Variants in CYTH1 observed in about 807,000 individuals in gnomAD.
The protein encoded by CYTH1 is cytohesin-1.
In CYTH1, 18 loss-of-function variants were observed where a neutral mutation model predicts 61.8. The observed-to-expected ratio is 0.29, with a 90% CI of 0.20 to 0.43. CYTH1 has a LOEUF of 0.43. Among genes scored for constraint, CYTH1 ranks in the 20% least tolerant of loss-of-function variants. The pLI is 1.00. For missense variants in CYTH1, 336 were observed against 510.5 expected (o/e 0.66, Z 3.29); for synonymous variants, 174 against 184.3 (o/e 0.94, Z 0.45).
intron 1 of CYTH1, among the ~76,000 whole-genome samples, chr17:78,722,161 C>A (rs896649573): frequency 1.3e-5 from 2 of 152,176 alleles, no homozygotes; most frequent in Non-Finnish European, 2.9e-5. Context: ...TTTTATCCTG[C>A]GAATTTGGTT....
Position 78,700,422 on chromosome 17 carries a change from C to T in CYTH1, c.459G>A (p.Arg153=). The change falls in exon 7 of 14, where the codon CGG becomes CGA. Residue 153 remains arginine (R), a synonymous_variant. Transcript: ENST00000446868. This position sits in a 1 kb window ranked among gnomAD's most constrained non-coding sequence, Gnocchi z 5.1. ...QALRQFLWSF[R]LPGEAQKIDR... Reference sequence around the variant, plus strand: ...CGATCTTCTGGGCCTCTCCGGGTAGCCGGAAGCTCCACAGGAACTGCCTGA... The same window carrying T: ...CGATCTTCTGGGCCTCTCCGGGTAGTCGGAAGCTCCACAGGAACTGCCTGA... 6.2e-7 allele frequency: 1 copy of T among 1,613,036 alleles called. No homozygotes were observed. The highest frequency in any genetic ancestry group is 1.1e-5 in the South Asian group (1 of 90,790).
chr17:78,754,438 G>A (rs1023458790), intron 1 of CYTH1, among the ~76,000 whole-genome samples: 1 of 151,798 alleles, frequency 6.6e-6, no homozygotes, highest in Non-Finnish European at 1.5e-5. Context: ...CAACCTCCCT[G>A]GTTTAAGCAA....
At position 78,717,523 on chromosome 17, in the gene CYTH1, C is replaced by G. The variant is rs981802414; in HGVS notation, c.23-7791G>C. On this transcript the variant is annotated intron_variant, in intron 1 of 13. Transcript: ENST00000446868. The surrounding 1 kb of genome is among the most constrained non-coding windows in gnomAD (Gnocchi z 4.4). ...TTAAATGTTGCTTTGCAGATTTTAA[C>G]AGTCGGCAGAAACCCAGAGCTGAAA... is the stretch of plus-strand genomic sequence containing the variant. Among the ~76,000 whole-genome samples the G allele has an allele frequency of 6.6e-6, 1 of 152,166 alleles. No individual in the cohort carries two copies. Among genetic ancestry groups the G allele is most frequent in the African/African-American group, 2.4e-5 (1 of 41,430 alleles).
chr17:78,772,537 CGTTTTT>C (rs1218223100), intron 1 of CYTH1, among the ~76,000 whole-genome samples: 1 of 151,954 alleles, frequency 6.6e-6, no homozygotes. Context: ...TGTTTTGTTT[CGTTTTT>C]GTTTTTGTTT....
rs900423792 is a variant in CYTH1 at position 78,698,902 on chromosome 17, T to C, written c.617A>G (p.Lys206Arg). 1 of 1,612,236 alleles carries C rather than the reference T, an allele frequency of 6.2e-7. No individual in the cohort carries two copies. Among genetic ancestry groups the C allele is most frequent in the Non-Finnish European group, 8.5e-7 (1 of 1,179,448 alleles). Residue 206 changes from lysine to arginine, a missense_variant, in exon 8 of 14, where the codon AAA (lysine) becomes AGA (arginine). Lys to Arg is a conservative substitution (Grantham distance 26). Coordinates refer to ENST00000446868, the MANE Select transcript of CYTH1 (RefSeq NM_004762.6). ...GAACCTCTCCACAGTGGGCTTATCT[T>C]TGACATTGGGGTTGTGCAGACTGGT... The part of the protein sequence containing the change: ...LNTSLHNPNV[K>R]DKPTVERFIA...
intron 11 of CYTH1, among the ~76,000 whole-genome samples, chr17:78,689,241 C>T (rs1404780962): frequency 6.6e-6 from 1 of 152,140 alleles, no homozygotes; most frequent in African/African-American, 2.4e-5. Context: ...TTGTCACTTG[C>T]CACTCACTGA....
chr17:78,759,719 A>C (rs1325006146), intron 1 of CYTH1, among the ~76,000 whole-genome samples: 1 of 152,238 alleles, frequency 6.6e-6, no homozygotes, highest in Non-Finnish European at 1.5e-5. Flanking sequence ...ACAGCTGAGG[A>C]AATGCATTCA....
intron 1 of CYTH1, among the ~76,000 whole-genome samples, 167 bp from the exon 2 acceptor site, chr17:78,709,899 T>C (rs2093110439): frequency 6.6e-6 from 1 of 152,210 alleles, no homozygotes; most frequent in Non-Finnish European, 1.5e-5. Flanking sequence ...ATCAGATTTC[T>C]AAGAAAGGAA....
In CYTH1 at chr17:78,675,226, C is replaced by T. The variant is rs2092685253; in HGVS notation, c.*865G>A. 6.6e-6 allele frequency: 1 copy of T among 152,244 alleles called. No individual in the cohort carries two copies. The highest frequency in any genetic ancestry group is 1.5e-5 in the Non-Finnish European group (1 of 68,052). 9.4% of individuals were successfully genotyped at this position (152,244 alleles called of 1,614,324 possible). On this transcript the variant is annotated 3_prime_UTR_variant, in exon 14 of 14. Transcript: ENST00000446868. ...AAAATGCTGACTTTCTACTTTAAAG[C>T]CCAACAAGAACTTGGATTCTGAAGG...
At chr17:78,719,980 C>T (rs2093214143) in intron 1 of CYTH1, among the ~76,000 whole-genome samples, 1 of 152,134 alleles carries the variant, frequency 6.6e-6, no homozygotes, top group South Asian at 2.1e-4. Flanking sequence ...ACCTGGAGGA[C>T]ATTAAGCCAG....
rs921600418 is a variant in CYTH1, at chr17:78,717,850, T to C, written c.23-8118A>G. Among the ~76,000 whole-genome samples the C allele has an allele frequency of 6.6e-6, 1 of 152,176 alleles. No homozygotes were observed. The highest frequency in any genetic ancestry group is 1.5e-5 in the Non-Finnish European group (1 of 68,034). On this transcript the variant is annotated intron_variant, in intron 1 of 13. Coordinates refer to ENST00000446868, the MANE Select transcript of CYTH1 (RefSeq NM_004762.6). The surrounding 1 kb of genome is among the most constrained non-coding windows in gnomAD (Gnocchi z 4.4). ...GCATGCTTTAGGACCAGGATGTCTC[T>C]TTGAGGTCATCCAGCTGGCACCAGA...
At chr17:78,694,829 T>C (rs1322718233) in intron 10 of CYTH1, among the ~76,000 whole-genome samples, 1 of 152,126 alleles carries the variant, frequency 6.6e-6, no homozygotes, top group Non-Finnish European at 1.5e-5. Context: ...GCCTGGACAA[T>C]TTGTTGCATT....
intron 11 of CYTH1, among the ~76,000 whole-genome samples, chr17:78,682,151 G>A (rs772927521): frequency 6.6e-6 from 1 of 151,994 alleles, no homozygotes; most frequent in African/African-American, 2.4e-5. Context: ...TTAACACCAC[G>A]TTTCTCTTCC....
At chr17:78,782,168 GA>G in intron 1 of CYTH1, 33 bp downstream of exon 1, 1 of 1,355,428 alleles carries the variant, frequency 7.4e-7, no homozygotes. Flanking sequence ...GGGGGACAGC[GA>G]GGGGGAAGCG....
At chr17:78,725,193 C>T (rs1031051243) in intron 1 of CYTH1, among the ~76,000 whole-genome samples, 12 of 152,112 alleles carry the variant, frequency 7.9e-5, no homozygotes, top group Admixed American at 5.2e-4. Context: ...CCTCACCATC[C>T]GCCATCCGTC....
chr17:78,725,689 G>C (rs1431200112), intron 1 of CYTH1, among the ~76,000 whole-genome samples: 1 of 152,150 alleles, frequency 6.6e-6, no homozygotes, highest in African/African-American at 2.4e-5. Flanking sequence ...ATCACAGCCG[G>C]GGTTTACCTG....
chr17:78,676,812 C>A, intron 13 of CYTH1: 2 of 360,510 alleles, frequency 5.5e-6, no homozygotes, highest in South Asian at 4.1e-5. Flanking sequence ...GGCCGCGCCG[C>A]GGGCTGGAGC....
chr17:78,698,799 AG>A lies in CYTH1; in HGVS notation c.699+20del. On this transcript the variant is annotated intron_variant, in intron 8 of 13. Coordinates refer to ENST00000446868, the MANE Select transcript of CYTH1 (RefSeq NM_004762.6). ...GTGAACTCTTTCTTGACTTGAATGA[AG>A]ACCATTCTTCCTTGCTTACCCGGAG... The A allele has an allele frequency of 6.5e-7, 1 of 1,549,986 alleles. No individual in the cohort carries two copies. The highest frequency in any genetic ancestry group is 8.6e-7 in the Non-Finnish European group (1 of 1,157,938).
intron 11 of CYTH1, among the ~76,000 whole-genome samples, chr17:78,682,008 C>CT (rs1007923022): frequency 1.3e-5 from 2 of 152,080 alleles, no homozygotes; most frequent in African/African-American, 4.8e-5. Flanking sequence ...TTAGAACTGC[C>CT]TTTTGACTGC....
Sources: allele counts gnomAD v4.1 joint callset (sites outside exome capture counted in the v4.1 genomes callset), GRCh38; gene constraint gnomAD v4.1.1; non-coding constraint Gnocchi (gnomAD v3.1); transcripts MANE v1.5; gene names NCBI Gene and HGNC (gene_info 2026-07-23, HGNC 2026-07-21).